OPCML: variants seen among roughly 807,000 people sequenced by gnomAD.
OPCML encodes the protein opioid-binding protein/cell adhesion molecule.
OPCML carries 13 observed loss-of-function variants against 37.8 expected under a neutral mutation model. The ratio of observed to expected loss-of-function variants is 0.34; its 90% CI spans 0.22 to 0.55. The LOEUF is 0.55. Among genes scored for constraint, OPCML ranks in the 20% least tolerant of loss-of-function variants. The pLI is 0.91. For synonymous variants in OPCML, 176 were observed against 168.8 expected, an observed-to-expected ratio of 1.04 and a Z score of -0.33; for missense variants, 341 against 435.6, an observed-to-expected ratio of 0.78 and a Z score of 1.93.
At chr11:133,354,283 ATGG>A (rs1565588730) in intron 1 of OPCML, among the ~76,000 whole-genome samples, 3 of 13,970 alleles carry the variant, frequency 2.1e-4, no homozygotes, top group African/African-American at 5.4e-4. Context: ...GGTGATAGTG[ATGG>A]TGGTGCTGGT....
At chr11:132,657,054 G>C (rs373678944) in intron 3 of OPCML, 33 bp downstream of exon 3, 2 of 1,605,514 alleles carry the variant, frequency 1.2e-6, no homozygotes, top group African/African-American at 2.7e-5. Flanking sequence ...ATCACTGACG[G>C]GAATGGCAAC....
chr11:133,313,617 G>T (rs1002363487), intron 1 of OPCML, among the ~76,000 whole-genome samples: 1 of 152,124 alleles, frequency 6.6e-6, no homozygotes, highest in Non-Finnish European at 1.5e-5. Context: ...CTGAAGCGGG[G>T]CCCAAGAGAT....
intron 1 of OPCML, among the ~76,000 whole-genome samples, chr11:133,128,696 G>A (rs1949557553): frequency 6.6e-6 from 1 of 152,154 alleles, no homozygotes; most frequent in Non-Finnish European, 1.5e-5. Context: ...ACTCCAGGGT[G>A]GAAAAGATAC....
At chr11:133,397,790 T>C (rs570165992) in intron 1 of OPCML, among the ~76,000 whole-genome samples, 2 of 152,336 alleles carry the variant, frequency 1.3e-5, no homozygotes, top group South Asian at 2.1e-4. Flanking sequence ...TTGAGTCATA[T>C]AGTAGAAAAA....
chr11:132,609,778 C>T (rs568973025), intron 3 of OPCML, among the ~76,000 whole-genome samples: 16 of 152,276 alleles, frequency 1.1e-4, no homozygotes, highest in South Asian at 6.2e-4. Context: ...TATCATTGCA[C>T]GTGTTTACAT....
chr11:133,259,126 T>C (rs1195749143), intron 1 of OPCML, among the ~76,000 whole-genome samples: 2 of 152,130 alleles, frequency 1.3e-5, no homozygotes, highest in African/African-American at 4.8e-5. Context: ...CCCCCTTCAT[T>C]TTATTGGTAG....
rs193094297 is a variant in OPCML at position 133,373,201 on chromosome 11, T to A, written c.61+159063A>T. Among the ~76,000 whole-genome samples, 678 of 151,948 alleles carry A rather than the reference T, an allele frequency of 4.5e-3. 3 individuals carry two copies. The highest frequency in any genetic ancestry group is 0.015 in the African/African-American group (612 of 41,452). The stretch of plus-strand genomic sequence containing the variant: ...CATTTCAATTTCAAAAATTAGAATA[T>A]CCTTAATCTTGGCAGGGGAGGGGGA... On this transcript the variant is annotated intron_variant, in intron 1 of 7. Coordinates refer to ENST00000524381, the MANE Select transcript of OPCML (RefSeq NM_001012393.5).
At chr11:132,495,661 G>T (rs2096228854) in intron 4 of OPCML, among the ~76,000 whole-genome samples, 1 of 152,280 alleles carries the variant, frequency 6.6e-6, no homozygotes, top group South Asian at 2.1e-4. Context: ...GGAAGCCGAG[G>T]CAGGCAGATC....
chr11:133,027,843 T>C (rs934504787), intron 1 of OPCML, among the ~76,000 whole-genome samples: 1 of 4,194 alleles, frequency 2.4e-4, no homozygotes, highest in Non-Finnish European at 6.1e-4. Flanking sequence ...GGGGTGGGAG[T>C]GTAGTAGTGT....
chr11:132,478,314 G>T (rs1289155481), intron 4 of OPCML, among the ~76,000 whole-genome samples: 1 of 152,192 alleles, frequency 6.6e-6, no homozygotes, highest in Admixed American at 6.5e-5. Context: ...GATAGGGAAT[G>T]ATTCAATGAA....
At chr11:133,153,465 T>C (rs1950015855) in intron 1 of OPCML, among the ~76,000 whole-genome samples, 4 of 152,182 alleles carry the variant, frequency 2.6e-5, no homozygotes, top group Admixed American at 2.6e-4. Flanking sequence ...AGGACGGCTC[T>C]CAGAGCTCAG....
In OPCML at chr11:133,237,886, G is replaced by A. The variant is rs1245364041; in HGVS notation, c.61+294378C>T. Reference sequence around the variant, plus strand: ...CAGAGGAGGATGGGAGAGAGCCAGGGCCCTGAAATACAAGCTCATCCTATT... The same window carrying A: ...CAGAGGAGGATGGGAGAGAGCCAGGACCCTGAAATACAAGCTCATCCTATT... On this transcript the variant is annotated intron_variant, in intron 1 of 7. Transcript: ENST00000524381. 9.2e-5 allele frequency among the ~76,000 whole-genome samples: 14 copies of A among 152,284 alleles called. No homozygotes were observed. In the South Asian group the frequency reaches 1.9e-3, roughly 20 times the overall value.
At chr11:133,128,724 A>G (rs147319323) in intron 1 of OPCML, among the ~76,000 whole-genome samples, 398 of 152,296 alleles carry the variant, frequency 2.6e-3, no homozygotes, top group African/African-American at 7.4e-3. Context: ...CAGGCCTGTC[A>G]GTGTTGCTCC....
At chr11:132,516,420 T>A (rs560995672) in intron 4 of OPCML, among the ~76,000 whole-genome samples, 1 of 152,176 alleles carries the variant, frequency 6.6e-6, no homozygotes. Flanking sequence ...TCCCCTTTTT[T>A]TTCTCTGGCA....
chr11:133,079,566 G>C (rs1948676258), intron 1 of OPCML, among the ~76,000 whole-genome samples: 1 of 152,036 alleles, frequency 6.6e-6, no homozygotes, highest in African/African-American at 2.4e-5. Flanking sequence ...TTGTTCTGGG[G>C]TGACAAAAAA....
At chr11:132,823,259 C>T (rs1169385252) in intron 2 of OPCML, among the ~76,000 whole-genome samples, 1 of 152,146 alleles carries the variant, frequency 6.6e-6, no homozygotes, top group Non-Finnish European at 1.5e-5. Flanking sequence ...CCATCCCTTC[C>T]TTCCCAGTAG....
intron 1 of OPCML, among the ~76,000 whole-genome samples, chr11:133,099,495 G>C (rs905123151): frequency 4.2e-5 from 6 of 142,558 alleles, no homozygotes; most frequent in African/African-American, 1.6e-4. Flanking sequence ...CATGGTGTTA[G>C]TCAGGATGGT....
chr11:133,203,841 G>A (rs1297969997), intron 1 of OPCML, among the ~76,000 whole-genome samples: 5 of 151,974 alleles, frequency 3.3e-5, no homozygotes, highest in Non-Finnish European at 7.4e-5. Flanking sequence ...GGTGGATCAC[G>A]AGGTCAGGAG....
At chr11:132,552,494 A>G (rs7131390) in intron 3 of OPCML, among the ~76,000 whole-genome samples, 94,633 of 152,038 alleles carry the variant, frequency 0.62, 31,340 homozygotes, top group African/African-American at 0.84. Flanking sequence ...TTCTGTTGTT[A>G]TTGTTTGTTT....
Sources: gnomAD v4.1 joint callset for allele counts (sites outside exome capture counted in the v4.1 genomes callset) on GRCh38, gnomAD v4.1.1 for gene constraint, MANE v1.5 for transcripts, NCBI Gene and HGNC (gene_info 2026-07-23, HGNC 2026-07-21) for gene names.